Variants in ZNF385C observed in about 807,000 individuals in gnomAD.
The protein encoded by ZNF385C is zinc finger protein 385C.
In ZNF385C, 28 loss-of-function variants were observed where a neutral mutation model predicts 35.4. The ratio of observed to expected loss-of-function variants is 0.79; its 90% CI spans 0.59 to 1.08. The LOEUF (loss-of-function observed/expected upper bound fraction) is 1.08, where lower values mean the gene tolerates loss of function less well. ZNF385C is among the 50% of genes least tolerant of loss of function. ZNF385C has a pLI of 0.00. For missense variants in ZNF385C, 605 were observed against 595.6 expected, an observed-to-expected ratio of 1.02 and a Z score of -0.16; for synonymous variants, 248 against 248.2, an observed-to-expected ratio of 1.00 and a Z score of 0.01.
At chr17:42,043,268 C>CA in intron 2 of ZNF385C, 1 of 1,232,262 alleles carries the variant, frequency 8.1e-7, no homozygotes, top group Non-Finnish European at 1.0e-6. Flanking sequence ...CGCTCATAGT[C>CA]AAAGTCCAGC....
At chr17:42,097,687 G>A (rs1555661071) in intron 1 of ZNF385C, among the ~76,000 whole-genome samples, 1 of 152,048 alleles carries the variant, frequency 6.6e-6, no homozygotes, top group Admixed American at 6.6e-5. Context: ...AGGCTTCCTC[G>A]AGGTCCTGGG....
chr17:42,093,589 T>TC (rs1567998661), intron 1 of ZNF385C, among the ~76,000 whole-genome samples: 1 of 150,594 alleles, frequency 6.6e-6, no homozygotes, highest in East Asian at 1.9e-4. Flanking sequence ...TTATTTATTT[T>TC]TTTTTTTTTG....
chr17:42,049,538 CA>C (rs2053241657), intron 2 of ZNF385C, among the ~76,000 whole-genome samples: 1 of 152,196 alleles, frequency 6.6e-6, no homozygotes, highest in Non-Finnish European at 1.5e-5. Context: ...AGCCCTTGGG[CA>C]CCTTTTAGGT....
At chr17:42,044,285 G>A (rs1289722548) in intron 2 of ZNF385C, among the ~76,000 whole-genome samples, 4 of 137,746 alleles carry the variant, frequency 2.9e-5, no homozygotes, top group African/African-American at 1.1e-4. Context: ...TCCAGACTGG[G>A]TAATAGAGCT....
At chr17:42,040,975 A>G in intron 2 of ZNF385C, 2 of 1,232,278 alleles carry the variant, frequency 1.6e-6, no homozygotes, top group Non-Finnish European at 1.0e-6. Flanking sequence ...CAGGATGTCC[A>G]AGAGCTGGCC....
intron 1 of ZNF385C, among the ~76,000 whole-genome samples, chr17:42,071,774 C>T (rs190408777): frequency 1.5e-5 from 2 of 134,366 alleles, no homozygotes; most frequent in East Asian, 1.9e-4. Context: ...GGTTTATCTC[C>T]TGCCTGCTCT....
At chr17:42,094,440 C>T (rs1555660823) in intron 1 of ZNF385C, among the ~76,000 whole-genome samples, 3 of 151,328 alleles carry the variant, frequency 2.0e-5, no homozygotes, top group Non-Finnish European at 4.4e-5. Context: ...CGCAGTCAGA[C>T]ACTGAGAGTG....
chr17:42,087,902 C>G (rs2053825581), intron 1 of ZNF385C, among the ~76,000 whole-genome samples: 1 of 152,160 alleles, frequency 6.6e-6, no homozygotes, highest in Non-Finnish European at 1.5e-5. Flanking sequence ...ATACTGAACC[C>G]CCACTACCTA....
At chr17:42,069,242 C>T (rs1226645614) in intron 1 of ZNF385C, among the ~76,000 whole-genome samples, 6 of 138,638 alleles carry the variant, frequency 4.3e-5, no homozygotes, top group Non-Finnish European at 7.6e-5. Flanking sequence ...GCCTGTCTGC[C>T]TGTGTGTCCA....
At chr17:42,039,382 G>T (rs988867008) in intron 2 of ZNF385C, 3 of 276,602 alleles carry the variant, frequency 1.1e-5, no homozygotes, top group African/African-American at 6.5e-5. Context: ...ATCTTTGGGG[G>T]GACCCAAACT....
chr17:42,051,398 T>A (rs2053279856), intron 2 of ZNF385C, among the ~76,000 whole-genome samples: 1 of 151,990 alleles, frequency 6.6e-6, no homozygotes, highest in Non-Finnish European at 1.5e-5. Context: ...ATTGAGGAGC[T>A]TCCCTGCAAG....
intron 1 of ZNF385C, among the ~76,000 whole-genome samples, chr17:42,085,100 C>T (rs2053792527): frequency 6.6e-6 from 1 of 152,032 alleles, no homozygotes; most frequent in African/African-American, 2.4e-5. Context: ...AGTTCGAGAC[C>T]AGCCTGACCA....
intron 1 of ZNF385C, among the ~76,000 whole-genome samples, chr17:42,075,404 C>T (rs2143911690): frequency 1.3e-5 from 2 of 152,092 alleles, no homozygotes; most frequent in Admixed American, 1.3e-4. Context: ...TGGTGACCAA[C>T]TGACCTGATC....
chr17:42,061,239 G>A (rs1350133157), intron 2 of ZNF385C: 1 of 42,190 alleles, frequency 2.4e-5, no homozygotes, highest in Non-Finnish European at 4.1e-5. Context: ...TTTTTTTTTT[G>A]AGACAGGGTC....
intron 1 of ZNF385C, among the ~76,000 whole-genome samples, chr17:42,096,219 G>T (rs116191006): frequency 6.6e-6 from 1 of 152,160 alleles, no homozygotes; most frequent in Non-Finnish European, 1.5e-5. Flanking sequence ...TTCACTGTCC[G>T]TAGGGGTGCA....
chr17:42,031,768 T>C lies in ZNF385C; in HGVS notation c.527A>G (p.His176Arg), dbSNP rs1177624714. 7.1e-6 allele frequency: 11 copies of C among 1,550,766 alleles called. No individual in the cohort carries two copies. The highest frequency in any genetic ancestry group is 9.6e-6 in the Non-Finnish European group (11 of 1,147,082). The part of the protein sequence containing the change: ...RFNSANQAEA[H>R]YKGHKHARKL... ...TCTGGCGTGTTTGTGGCCTTTATAATGTGCCTCGGCCTGGTTCTGGGGAGG... is the reference window on the plus strand; with the variant it reads ...TCTGGCGTGTTTGTGGCCTTTATAACGTGCCTCGGCCTGGTTCTGGGGAGG... The change falls in exon 5 of 9, where the codon CAT (histidine) becomes CGT (arginine). Residue 176 changes from histidine to arginine, a missense_variant. Coordinates refer to ENST00000692273, the MANE Select transcript of ZNF385C (RefSeq NM_001392013.1).
chr17:42,087,294 G>T (rs181657975), intron 1 of ZNF385C, among the ~76,000 whole-genome samples: 19 of 152,278 alleles, frequency 1.2e-4, no homozygotes, highest in African/African-American at 4.6e-4. Context: ...ATATATGCAC[G>T]CTGGGACTAG....
chr17:42,080,810 G>T (rs1319279247), intron 1 of ZNF385C, among the ~76,000 whole-genome samples: 1 of 152,224 alleles, frequency 6.6e-6, no homozygotes, highest in African/African-American at 2.4e-5. Flanking sequence ...AGGCCCACTG[G>T]TGCAGCTTCC....
At chr17:42,040,444 G>T in intron 2 of ZNF385C, 1 of 1,232,154 alleles carries the variant, frequency 8.1e-7, no homozygotes, top group South Asian at 4.1e-5. Flanking sequence ...CATCACCAGA[G>T]GCTGCAGCAA....
Sources: gnomAD v4.1 joint callset for allele counts (sites outside exome capture counted in the v4.1 genomes callset) on GRCh38, gnomAD v4.1.1 for gene constraint, MANE v1.5 for transcripts, NCBI Gene and HGNC (gene_info 2026-07-23, HGNC 2026-07-21) for gene names.